Variants in CDH9 observed in about 807,000 individuals in gnomAD.
CDH9 encodes cadherin 9.
A neutral mutation model predicts 70.9 loss-of-function variants in CDH9; 28 were observed. That is an observed-to-expected ratio of 0.40 (90% CI 0.29 to 0.54). CDH9 has a LOEUF of 0.54. Ranked by LOEUF, CDH9 falls within the 20% of genes least tolerant of loss-of-function variation. CDH9 has a pLI of 0.59. For synonymous variants in CDH9, 409 were observed against 343.1 expected (o/e 1.19, Z -2.12); for missense variants, 874 against 984.4 (o/e 0.89, Z 1.50).
intron 2 of CDH9, among the ~76,000 whole-genome samples, chr5:26,917,042 C>G (rs1650947590): frequency 6.6e-6 from 1 of 151,858 alleles, no homozygotes; most frequent in Non-Finnish European, 1.5e-5. Context: ...ACAAACAGAC[C>G]ATGTAATCCT....
intron 1 of CDH9, among the ~76,000 whole-genome samples, chr5:27,018,829 T>C (rs1743088808): frequency 6.6e-6 from 1 of 151,970 alleles, no homozygotes. Context: ...AGAGGACTCC[T>C]AGATGTCCAG....
At chr5:26,954,508 C>G (rs1474928075) in intron 2 of CDH9, among the ~76,000 whole-genome samples, 1 of 151,042 alleles carries the variant, frequency 6.6e-6, no homozygotes, top group East Asian at 2.0e-4. Context: ...CCTCAGCCTC[C>G]CGAGTAGCTG....
At chr5:26,925,555 T>C (rs562188460) in intron 2 of CDH9, among the ~76,000 whole-genome samples, 10 of 152,160 alleles carry the variant, frequency 6.6e-5, no homozygotes, top group Non-Finnish European at 1.3e-4. Context: ...TTAGTTTAAT[T>C]AGATCCCATT....
chr5:26,954,044 T>C (rs1043741845), intron 2 of CDH9, among the ~76,000 whole-genome samples: 3 of 152,182 alleles, frequency 2.0e-5, no homozygotes, highest in Non-Finnish European at 4.4e-5. Flanking sequence ...GTTTGGCTAT[T>C]ATCTACCTTT....
chr5:26,953,007 T>A (rs1741880740), intron 2 of CDH9, among the ~76,000 whole-genome samples: 1 of 151,730 alleles, frequency 6.6e-6, no homozygotes, highest in Admixed American at 6.6e-5. Context: ...TTAGGGAGGA[T>A]GTTATATAAT....
rs371521798 is a variant in CDH9 at position 26,989,108 on chromosome 5, T to A, written c.-49-726A>T. Among the ~76,000 whole-genome samples the A allele has an allele frequency of 2.6e-5, 4 of 152,012 alleles. No homozygotes were observed. The East Asian group carries it at 7.7e-4, about 29-fold the overall frequency. Reference sequence around the variant, plus strand: ...ATTTCCTAAAATAATAAGAAAAAAATAGCATTGAAACTTGATATTGCAAAA... The same window carrying A: ...ATTTCCTAAAATAATAAGAAAAAAAAAGCATTGAAACTTGATATTGCAAAA... On this transcript the variant is annotated intron_variant, in intron 1 of 11. Coordinates refer to ENST00000231021, the MANE Select transcript of CDH9 (RefSeq NM_016279.4).
chr5:26,973,307 A>C (rs1252360863), intron 2 of CDH9, among the ~76,000 whole-genome samples: 2 of 131,680 alleles, frequency 1.5e-5, no homozygotes, highest in African/African-American at 4.9e-5. Context: ...TTAATGACCT[A>C]AGAAATTGGA....
intron 1 of CDH9, among the ~76,000 whole-genome samples, chr5:26,995,054 A>G (rs1219798985): frequency 1.3e-5 from 2 of 152,100 alleles, no homozygotes; most frequent in Non-Finnish European, 2.9e-5. Flanking sequence ...TACTTTTATT[A>G]TCTCTTTCAT....
intron 3 of CDH9, among the ~76,000 whole-genome samples, chr5:26,913,844 TG>T (rs1261912048): frequency 6.6e-6 from 1 of 151,838 alleles, no homozygotes; most frequent in South Asian, 2.1e-4. Context: ...AGAACCTAGT[TG>T]TATTAGTATT....
At chr5:26,971,325 C>G (rs1340517364) in intron 2 of CDH9, among the ~76,000 whole-genome samples, 1 of 152,078 alleles carries the variant, frequency 6.6e-6, no homozygotes. Flanking sequence ...TAGCCTTGAA[C>G]ACATCATTTT....
intron 2 of CDH9, among the ~76,000 whole-genome samples, chr5:26,979,207 T>C (rs1742356183): frequency 6.6e-6 from 1 of 151,572 alleles, no homozygotes; most frequent in Admixed American, 6.6e-5. Flanking sequence ...GAAAAATATA[T>C]GACAAAAATA....
At chr5:26,993,380 C>T (rs988965761) in intron 1 of CDH9, among the ~76,000 whole-genome samples, 1 of 151,996 alleles carries the variant, frequency 6.6e-6, no homozygotes, top group Non-Finnish European at 1.5e-5. Context: ...ATTGGCTTCT[C>T]TTTATAGTAA....
intron 1 of CDH9, among the ~76,000 whole-genome samples, chr5:26,998,182 G>T (rs1318838489): frequency 2.0e-5 from 3 of 152,086 alleles, no homozygotes; most frequent in Non-Finnish European, 4.4e-5. Flanking sequence ...GCCCAACAGG[G>T]CTTCTATACA....
chr5:26,899,597 C>T (rs1265059390), intron 7 of CDH9, among the ~76,000 whole-genome samples: 1 of 151,890 alleles, frequency 6.6e-6, no homozygotes, highest in African/African-American at 2.4e-5. Context: ...GGAAGTTGAA[C>T]AAGGAGAATA....
chr5:26,975,484 A>G (rs1445840811), intron 2 of CDH9, among the ~76,000 whole-genome samples: 1 of 152,214 alleles, frequency 6.6e-6, no homozygotes, highest in African/African-American at 2.4e-5. Context: ...GCTTTGGGGT[A>G]AACAACAAGA....
intron 1 of CDH9, among the ~76,000 whole-genome samples, chr5:27,030,002 C>T (rs113997832): frequency 0.017 from 2,599 of 152,138 alleles, 31 homozygotes; most frequent in Non-Finnish European, 0.025. Context: ...TCCACTCCAC[C>T]TACCTCCATT....
At chr5:27,020,445 A>G (rs1743118028) in intron 1 of CDH9, among the ~76,000 whole-genome samples, 1 of 151,676 alleles carries the variant, frequency 6.6e-6, no homozygotes, top group South Asian at 2.1e-4. Context: ...TAATTACTGC[A>G]GAATAATAAA....
rs571021132 is a variant in CDH9, at chr5:26,955,677, G to C, written c.228+32429C>G. On this transcript the variant is annotated intron_variant, in intron 2 of 11. Coordinates refer to ENST00000231021, the MANE Select transcript of CDH9 (RefSeq NM_016279.4). ...TTCCCTTTTGTTATAAATGGCACTA[G>C]AGACACAGATTCCGGGATTTAGGAC... Among the ~76,000 whole-genome samples, 11 of 152,120 alleles carry C rather than the reference G, an allele frequency of 7.2e-5. No homozygotes were observed. In the East Asian group the frequency reaches 2.1e-3, roughly 29 times the overall value.
At chr5:27,027,761 G>A (rs955117240) in intron 1 of CDH9, among the ~76,000 whole-genome samples, 9 of 152,012 alleles carry the variant, frequency 5.9e-5, no homozygotes, top group African/African-American at 2.2e-4. Context: ...GCAAAACAGA[G>A]AAAGTAAATA....
Sources: gnomAD v4.1 joint callset for allele counts (sites outside exome capture counted in the v4.1 genomes callset) on GRCh38, gnomAD v4.1.1 for gene constraint, MANE v1.5 for transcripts, NCBI Gene and HGNC (gene_info 2026-07-23, HGNC 2026-07-21) for gene names.